Variants in PTPN3 observed in about 807,000 individuals in gnomAD.
PTPN3 encodes tyrosine-protein phosphatase non-receptor type 3.
In PTPN3, 96 loss-of-function variants were observed where a neutral mutation model predicts 132.7. The observed-to-expected ratio is 0.72, with a 90% CI of 0.61 to 0.86. The LOEUF is 0.86. PTPN3 is among the 40% of genes least tolerant of loss of function. The probability of loss-of-function intolerance (pLI) is 0.00; values close to 1 mark genes in which losing one functional copy is unlikely to be tolerated. For missense variants in PTPN3, 1,125 were observed against 1,159.6 expected, an observed-to-expected ratio of 0.97 and a Z score of 0.43; for synonymous variants, 398 against 429.0, an observed-to-expected ratio of 0.93 and a Z score of 0.89.
intron 25 of PTPN3, among the ~76,000 whole-genome samples, chr9:109,380,409 C>G (rs1428312438): frequency 6.6e-6 from 1 of 152,162 alleles, no homozygotes; most frequent in Non-Finnish European, 1.5e-5. Flanking sequence ...GCACATGCCA[C>G]CATGCCTGGC....
At chr9:109,394,371 G>C (rs1403621015) in intron 19 of PTPN3, among the ~76,000 whole-genome samples, 2 of 151,826 alleles carry the variant, frequency 1.3e-5, no homozygotes, top group Non-Finnish European at 2.9e-5. Flanking sequence ...CAGCAGTAAT[G>C]ATCTGTTGAT....
At chr9:109,380,545 C>T (rs1838979967) in intron 25 of PTPN3, among the ~76,000 whole-genome samples, 1 of 152,194 alleles carries the variant, frequency 6.6e-6, no homozygotes, top group South Asian at 2.1e-4. Context: ...CGTGAGCCAC[C>T]GTGCCCAGCT....
chr9:109,451,422 C>T (rs1002453705), intron 5 of PTPN3: 2 of 941,936 alleles, frequency 2.1e-6, no homozygotes, highest in East Asian at 2.3e-4. Context: ...CAGTTGTCAA[C>T]CAGTGAATTT....
chr9:109,514,913 G>A, the PTPN3 span, among the ~76,000 whole-genome samples: 1 of 152,162 alleles, frequency 6.6e-6, no homozygotes, highest in Non-Finnish European at 1.5e-5. Context: ...CCAGAAGAAT[G>A]AGAAAAAATG....
chr9:109,411,196 C>T (rs1054544904), intron 14 of PTPN3, among the ~76,000 whole-genome samples: 15 of 152,172 alleles, frequency 9.9e-5, no homozygotes, highest in African/African-American at 3.6e-4. Context: ...TAGAGAGTTA[C>T]AGATGATGAA....
the PTPN3 span, among the ~76,000 whole-genome samples, chr9:109,524,198 C>T: frequency 4.6e-5 from 7 of 152,042 alleles, no homozygotes; most frequent in East Asian, 1.9e-4. Flanking sequence ...GAGCTATGAT[C>T]GTATCACTGC....
chr9:109,524,683 ATT>A, the PTPN3 span, among the ~76,000 whole-genome samples: 5 of 151,978 alleles, frequency 3.3e-5, no homozygotes, highest in African/African-American at 1.2e-4. Context: ...ATCGTTATGG[ATT>A]CTTTTCCTTT....
intron 14 of PTPN3, among the ~76,000 whole-genome samples, chr9:109,412,092 G>C (rs1042265763): frequency 6.6e-6 from 1 of 152,178 alleles, no homozygotes; most frequent in Non-Finnish European, 1.5e-5. Flanking sequence ...GGCAGAAAGG[G>C]CAACTGCTTG....
intron 1 of PTPN3, among the ~76,000 whole-genome samples, chr9:109,489,287 T>G (rs1235606372): frequency 1.3e-5 from 2 of 152,130 alleles, no homozygotes; most frequent in Non-Finnish European, 2.9e-5. Context: ...AAGGCCGGTG[T>G]GGCAGGCACA....
chr9:109,382,581 C>CA (rs1839202034), intron 23 of PTPN3, 134 bp from the exon 24 acceptor site: 1 of 979,776 alleles, frequency 1.0e-6, no homozygotes, highest in African/African-American at 1.6e-5. Context: ...TGGCCCCTAG[C>CA]AATTCCTCCC....
intron 1 of PTPN3, among the ~76,000 whole-genome samples, chr9:109,483,416 G>C (rs537431149): frequency 9.9e-5 from 15 of 152,132 alleles, no homozygotes; most frequent in Non-Finnish European, 1.5e-4. Flanking sequence ...CTGTGAGGCA[G>C]GTGCTGGGGT....
the PTPN3 span, among the ~76,000 whole-genome samples, chr9:109,537,912 T>G: frequency 6.6e-6 from 1 of 152,260 alleles, no homozygotes; most frequent in Non-Finnish European, 1.5e-5. Context: ...TTCTTATCAT[T>G]AACGTTCCCA....
intron 19 of PTPN3, among the ~76,000 whole-genome samples, chr9:109,396,261 A>G (rs1248439207): frequency 6.6e-6 from 1 of 152,206 alleles, no homozygotes; most frequent in African/African-American, 2.4e-5. Flanking sequence ...GACAGAGTGG[A>G]AAGTGAGTGT....
At chr9:109,500,076 CT>C (rs934080371), upstream of PTPN3, among the ~76,000 whole-genome samples, 2 of 152,254 alleles carry the variant, frequency 1.3e-5, no homozygotes, top group African/African-American at 4.8e-5. Flanking sequence ...TCCCCACTGC[CT>C]TATCCTCTCT....
intron 22 of PTPN3, among the ~76,000 whole-genome samples, chr9:109,384,130 C>T (rs1839359304): frequency 6.6e-6 from 1 of 152,088 alleles, no homozygotes; most frequent in Non-Finnish European, 1.5e-5. Flanking sequence ...TGGCTCCTGC[C>T]TCAACGCTGG....
intron 12 of PTPN3, 29 bp from the exon 13 acceptor site, chr9:109,422,881 T>C: frequency 1.2e-6 from 2 of 1,604,846 alleles, no homozygotes; most frequent in Non-Finnish European, 1.7e-6. Flanking sequence ...GTTCACTTTC[T>C]ACACTGACGT....
intron 5 of PTPN3, chr9:109,450,906 A>G (rs1845198564): frequency 2.0e-6 from 2 of 985,196 alleles, no homozygotes; most frequent in African/African-American, 3.5e-5. Context: ...ACCTCTATAC[A>G]TCTTCTTTGA....
chr9:109,421,521 G>A (rs1341517786), intron 13 of PTPN3, among the ~76,000 whole-genome samples: 5 of 152,298 alleles, frequency 3.3e-5, no homozygotes, highest in East Asian at 1.9e-4. Flanking sequence ...AATAGCCACA[G>A]GAGCTCCGGG....
intron 24 of PTPN3, 70 bp from the exon 25 acceptor site, chr9:109,381,857 TC>T: frequency 1.3e-6 from 2 of 1,576,608 alleles, no homozygotes; most frequent in South Asian, 2.2e-5. Flanking sequence ...AGCGAGCAGT[TC>T]CCCGCTGACT....
Sources: gnomAD v4.1 joint callset for allele counts (sites outside exome capture counted in the v4.1 genomes callset) on GRCh38, gnomAD v4.1.1 for gene constraint, MANE v1.5 for transcripts, NCBI Gene and HGNC (gene_info 2026-07-23, HGNC 2026-07-21) for gene names.